ENO4: variants seen among roughly 807,000 people sequenced by gnomAD.
The protein encoded by ENO4 is 2-phospho-D-glycerate hydro-lyase.
Under a neutral mutation model 63.2 loss-of-function variants are expected in ENO4, and 53 were observed. The observed-to-expected ratio is 0.84, with a 90% confidence interval of 0.67 to 1.05. ENO4 has a LOEUF of 1.05. Among genes scored for constraint, ENO4 ranks in the 50% least tolerant of loss-of-function variants. The pLI, the probability that ENO4 is intolerant of heterozygous loss-of-function variation, is 0.00. For synonymous variants in ENO4, 266 were observed against 283.8 expected (o/e 0.94, Z 0.63); for missense variants, 719 against 772.0 (o/e 0.93, Z 0.81).
intron 10 of ENO4, among the ~76,000 whole-genome samples, chr10:116,891,263 G>C (rs2133303343): frequency 6.6e-6 from 1 of 152,310 alleles, no homozygotes. Context: ...AATGGTTTGA[G>C]GCATAAATGC....
At chr10:116,870,598 C>T (rs1018583220) in intron 8 of ENO4, among the ~76,000 whole-genome samples, 5 of 152,168 alleles carry the variant, frequency 3.3e-5, no homozygotes. Context: ...CACGTTCAAG[C>T]CACTGCACTC....
chr10:116,863,284 C>T (rs1218273718), intron 7 of ENO4, among the ~76,000 whole-genome samples: 2 of 151,544 alleles, frequency 1.3e-5, no homozygotes, highest in East Asian at 3.9e-4. Context: ...CCATCATGTT[C>T]TAAATGGGCA....
chr10:116,870,904 C>A (rs957217524), intron 8 of ENO4, among the ~76,000 whole-genome samples: 6 of 152,032 alleles, frequency 3.9e-5, no homozygotes, highest in Non-Finnish European at 5.9e-5. Context: ...AAAGTGCACT[C>A]CCAGGCCAAA....
chr10:116,887,634 A>G (rs1294608064), intron 10 of ENO4, among the ~76,000 whole-genome samples: 1 of 152,050 alleles, frequency 6.6e-6, no homozygotes, highest in Non-Finnish European at 1.5e-5. Flanking sequence ...CTGGCAGGAG[A>G]CACTCTTTTA....
chr10:116,868,609 T>TA, intron 7 of ENO4, 41 bp from the exon 8 acceptor site: 5 of 1,537,134 alleles, frequency 3.3e-6, no homozygotes, highest in Non-Finnish European at 4.4e-6. Context: ...ACAGCCATGC[T>TA]AAAAATTCCA....
At chr10:116,898,564 C>A (rs915442547) in intron 10 of ENO4, among the ~76,000 whole-genome samples, 2 of 151,994 alleles carry the variant, frequency 1.3e-5, no homozygotes, top group African/African-American at 2.4e-5. Flanking sequence ...TATAACCAAT[C>A]GGAATTCATA....
In ENO4 at chr10:116,859,113, TAC is replaced by T. The variant is rs1564845499; in HGVS notation, c.610_611del (p.Thr204GlnfsTer25). 7.7e-7 allele frequency: 1 copy of T among 1,298,180 alleles called. No individual in the cohort carries two copies. The highest frequency in any genetic ancestry group is 1.0e-6 in the Non-Finnish European group (1 of 978,628). The allele number at this position is 1,298,180 out of a possible 1,614,324, so 80.4% of individuals were successfully genotyped here. ...VPPPPPPPPP[T>X]KKKGQKPGRK... ...CACCACCACCACCCCCTCCACCTCC[TAC>T]CAAAAAAAAGGGGCAAAAGCCAGGT... On this transcript the variant is annotated frameshift_variant, in exon 4 of 14. Transcript: ENST00000341276. LOFTEE classifies it high-confidence loss of function.
chr10:116,877,049 TG>T (rs1366550971), intron 11 of ENO4, among the ~76,000 whole-genome samples: 2 of 152,094 alleles, frequency 1.3e-5, no homozygotes, highest in Non-Finnish European at 2.9e-5. Flanking sequence ...TCATGCACTG[TG>T]GAACACCTGG....
In ENO4 at chr10:116,868,463, T is replaced by G. The variant is rs1846602356; in HGVS notation, c.991-187T>G. 5 of 702,568 alleles carry G rather than the reference T, an allele frequency of 7.1e-6. No homozygotes were observed. The Admixed American group carries it at 1.0e-4, about 14-fold the overall frequency. 43.5% of individuals were successfully genotyped at this position (702,568 alleles called of 1,614,324 possible). A position where few individuals can be genotyped will look rare whatever the true frequency, so the allele number is the denominator to read the frequency against. ...ACATTCCTGAATTTGAGAAATAGTT[T>G]GTGGCATATAAAGTAGGGAGTGGCT... On this transcript the variant is annotated intron_variant, in intron 7 of 13. Coordinates refer to ENST00000341276, the MANE Select transcript of ENO4 (RefSeq NM_001242699.2).
intron 10 of ENO4, among the ~76,000 whole-genome samples, chr10:116,888,401 C>A (rs190461469): frequency 6.6e-6 from 1 of 152,260 alleles, no homozygotes; most frequent in East Asian, 1.9e-4. Flanking sequence ...AGGAATCAGA[C>A]CTTAGGGAAT....
At chr10:116,858,006 T>C (rs1846314674) in intron 3 of ENO4, among the ~76,000 whole-genome samples, 1 of 152,244 alleles carries the variant, frequency 6.6e-6, no homozygotes, top group South Asian at 2.1e-4. Flanking sequence ...TCCTTTTTTT[T>C]CCCCCTTCAT....
Position 116,875,633 on chromosome 10 carries a change from T to C in ENO4, c.1342-432T>C, listed in dbSNP as rs1272082126. On this transcript the variant is annotated intron_variant, in intron 10 of 13. Coordinates refer to ENST00000341276, the MANE Select transcript of ENO4 (RefSeq NM_001242699.2). The stretch of plus-strand genomic sequence containing the variant: ...TTTAAAATAAGCATTTCATTTCATA[T>C]GATAGTCTCACCAACAAAAATAAGG... Among the ~76,000 whole-genome samples, 4 of 151,988 alleles carry C rather than the reference T, an allele frequency of 2.6e-5. No homozygotes were observed. In the South Asian group the frequency reaches 8.3e-4, roughly 32 times the overall value.
At chr10:116,885,282 G>A (rs928531068), downstream of ENO4, 1 of 152,298 alleles carries the variant, frequency 6.6e-6, no homozygotes, top group African/African-American at 2.4e-5. Context: ...CATAAAAAGT[G>A]CATTCAAGTA....
chr10:116,883,543 GTAGAGTATGCATT>G (rs1847082115), downstream of ENO4: 1 of 152,344 alleles, frequency 6.6e-6, no homozygotes, highest in East Asian at 1.9e-4. Context: ...AACTGAACAG[GTAGAGTATGCATT>G]TAGAAAAATA....
intron 8 of ENO4, among the ~76,000 whole-genome samples, chr10:116,869,893 C>T (rs567956236): frequency 3.7e-4 from 33 of 89,502 alleles, no homozygotes; most frequent in African/African-American, 1.2e-3. Context: ...TAGTTAACTC[C>T]GTAAAATGGA....
At chr10:116,897,479 CA>C (rs1847564462) in intron 10 of ENO4, among the ~76,000 whole-genome samples, 1 of 152,034 alleles carries the variant, frequency 6.6e-6, no homozygotes, top group African/African-American at 2.4e-5. Context: ...TTAGAAGAAA[CA>C]TAACAAAAAG....
At chr10:116,878,740 A>ATTTTTT in intron 11 of ENO4, among the ~76,000 whole-genome samples, 1 of 63,546 alleles carries the variant, frequency 1.6e-5, no homozygotes, top group Non-Finnish European at 3.4e-5. Flanking sequence ...CAAATCATAT[A>ATTTTTT]TCTTTTTTTT....
chr10:116,899,546 T>TGTGTGTGAGA (rs1311755308), intron 10 of ENO4, among the ~76,000 whole-genome samples: 5 of 123,804 alleles, frequency 4.0e-5, no homozygotes, highest in African/African-American at 1.5e-4. Flanking sequence ...TGTGTGTGTG[T>TGTGTGTGAGA]GAGAGAGTGC....
chr10:116,850,099 C>T (rs919004064), intron 1 of ENO4: 5 of 369,804 alleles, frequency 1.4e-5, no homozygotes, highest in Admixed American at 1.3e-4. Context: ...ACCTTAATGC[C>T]CTCAGCTCAG....
Sources: allele counts gnomAD v4.1 joint callset (sites outside exome capture counted in the v4.1 genomes callset), GRCh38; gene constraint gnomAD v4.1.1; transcripts MANE v1.5; gene names NCBI Gene and HGNC (gene_info 2026-07-23, HGNC 2026-07-21).